Variants in ARHGAP35 observed in about 807,000 individuals in gnomAD.
ARHGAP35 encodes rho GTPase-activating protein 35.
A neutral mutation model predicts 111.1 loss-of-function variants in ARHGAP35; 15 were observed. The observed-to-expected ratio is 0.13, with a 90% CI of 0.09 to 0.21. The LOEUF is 0.21. Among genes scored for constraint, ARHGAP35 ranks in the 10% least tolerant of loss-of-function variants. The probability of loss-of-function intolerance (pLI) is 1.00; values close to 1 mark genes in which losing one functional copy is unlikely to be tolerated. For synonymous variants in ARHGAP35, 643 were observed against 710.3 expected (o/e 0.91, Z 1.51); for missense variants, 1,262 against 1,873.0 (o/e 0.67, Z 6.02).
rs977368052 is a variant in ARHGAP35, at chr19:46,994,166, A to C, written c.4036+4491A>C. 6.6e-6 allele frequency among the ~76,000 whole-genome samples: 1 copy of C among 152,108 alleles called. No homozygotes were observed. ...TACCATGGCGGGTCCGGGTTGCAGCAGCTCACCCAGGGCTGGGTGCCCTGA... is the reference window on the plus strand; with the variant it reads ...TACCATGGCGGGTCCGGGTTGCAGCCGCTCACCCAGGGCTGGGTGCCCTGA... On this transcript the variant is annotated intron_variant, in intron 5 of 6. Transcript: ENST00000672722. This position sits in a 1 kb window ranked among gnomAD's most constrained non-coding sequence, Gnocchi z 5.4.
At chr19:46,940,829 G>A (rs1599835630) in intron 3 of ARHGAP35, among the ~76,000 whole-genome samples, 2 of 152,004 alleles carry the variant, frequency 1.3e-5, no homozygotes, top group African/African-American at 4.8e-5. Context: ...GATACCACAG[G>A]GCAGCAATGC....
At chr19:46,946,449 C>G (rs1052386307) in intron 3 of ARHGAP35, 1 of 152,248 alleles carries the variant, frequency 6.6e-6, no homozygotes, top group Non-Finnish European at 1.5e-5. Flanking sequence ...TGCATAAAAT[C>G]CGGTGGCAGA....
At chr19:46,897,800 T>C (rs543764620) in intron 1 of ARHGAP35, among the ~76,000 whole-genome samples, 17 of 152,196 alleles carry the variant, frequency 1.1e-4, no homozygotes, top group African/African-American at 4.1e-4. Flanking sequence ...CATGTGTCAG[T>C]TGAACTTCTT....
In ARHGAP35 at chr19:46,989,888, G is replaced by C. The variant is rs2056670686; in HGVS notation, c.4036+213G>C. Among the ~76,000 whole-genome samples the C allele has an allele frequency of 6.6e-6, 1 of 152,192 alleles. No individual in the cohort carries two copies. Among genetic ancestry groups the C allele is most frequent in the African/African-American group, 2.4e-5 (1 of 41,450 alleles). ...TGCTTATCTGAGGGTTACACCAAGA[G>C]AGTTGCAGGTTTCCCCCAAACTCTC... On this transcript the variant is annotated intron_variant, in intron 5 of 6. Transcript: ENST00000672722. This position sits in a 1 kb window ranked among gnomAD's most constrained non-coding sequence, Gnocchi z 5.3.
At chr19:46,938,177 C>G (rs1291839807) in intron 3 of ARHGAP35, among the ~76,000 whole-genome samples, 3 of 152,118 alleles carry the variant, frequency 2.0e-5, no homozygotes, top group African/African-American at 7.2e-5. Flanking sequence ...GCCTTCCAAT[C>G]TGTTCTTTCT....
chr19:46,902,577 G>T (rs2056087576), intron 1 of ARHGAP35, among the ~76,000 whole-genome samples: 1 of 152,096 alleles, frequency 6.6e-6, no homozygotes, highest in Non-Finnish European at 1.5e-5. Flanking sequence ...CAGCTTTTGA[G>T]CCTAGCTGTA....
intron 2 of ARHGAP35, among the ~76,000 whole-genome samples, chr19:46,936,990 C>T (rs1010285571): frequency 6.6e-6 from 1 of 152,052 alleles, no homozygotes; most frequent in Non-Finnish European, 1.5e-5. Context: ...CAGGCGCCCA[C>T]CACTACGCCT....
At position 46,999,331 on chromosome 19, in the gene ARHGAP35, A is replaced by C; in HGVS notation, c.4064A>C (p.His1355Pro). The C allele has an allele frequency of 1.3e-6, 2 of 1,593,008 alleles. No homozygotes were observed. The highest frequency in any genetic ancestry group is 1.7e-6 in the Non-Finnish European group (2 of 1,169,754). ...ATCAACGACCGGGAGCAGAAGTTGCATGCCCTTAAGGAGGTATTAAAGAAA... is the reference window on the plus strand; with the variant it reads ...ATCAACGACCGGGAGCAGAAGTTGCCTGCCCTTAAGGAGGTATTAAAGAAA... The part of the protein sequence containing the change: ...HKINDREQKL[H>P]ALKEVLKKFP... The change falls in exon 6 of 7, where the codon CAT (histidine) becomes CCT (proline). Residue 1355 changes from histidine to proline, a missense_variant. Transcript: ENST00000672722. This position sits in a 1 kb window ranked among gnomAD's most constrained non-coding sequence, Gnocchi z 5.4.
rs2055993263 is a variant in ARHGAP35, at chr19:46,886,371, A to G, written c.-189+25162A>G. Among the ~76,000 whole-genome samples, 6 of 152,014 alleles carry G rather than the reference A, an allele frequency of 3.9e-5. No individual in the cohort carries two copies. In the South Asian group the frequency reaches 1.2e-3, roughly 32 times the overall value. ...AATGGCCAAAGTAGTGCAGATCTAG[A>G]CTATGCTCCGTAAGGGAGGTTTTTT... is the stretch of plus-strand genomic sequence containing the variant. On this transcript the variant is annotated intron_variant, in intron 1 of 6. Coordinates refer to ENST00000672722, the MANE Select transcript of ARHGAP35 (RefSeq NM_004491.5).
chr19:46,985,775 G>T (rs2056645826), intron 3 of ARHGAP35, among the ~76,000 whole-genome samples: 2 of 152,050 alleles, frequency 1.3e-5, no homozygotes, highest in African/African-American at 4.8e-5. Flanking sequence ...ATGTCCCTGG[G>T]GTTGGTCCAT....
chr19:46,998,185 CAT>C (rs35748960), intron 5 of ARHGAP35, among the ~76,000 whole-genome samples: 5 of 152,312 alleles, frequency 3.3e-5, no homozygotes, highest in African/African-American at 1.2e-4. Context: ...GAATGGCACA[CAT>C]ATGTCTCCGG....
At chr19:46,979,859 C>G (rs2122317281) in intron 3 of ARHGAP35, among the ~76,000 whole-genome samples, 1 of 152,194 alleles carries the variant, frequency 6.6e-6, no homozygotes, top group South Asian at 2.1e-4. Context: ...CCTGGGAAGA[C>G]AGCTAACGAA....
chr19:46,899,104 G>A (rs1158568404), intron 1 of ARHGAP35, among the ~76,000 whole-genome samples: 1 of 152,162 alleles, frequency 6.6e-6, no homozygotes, highest in Non-Finnish European at 1.5e-5. Context: ...ATGTAGAAGG[G>A]CGCGTTTGAC....
intron 1 of ARHGAP35, among the ~76,000 whole-genome samples, chr19:46,895,405 TCCA>T (rs2056048927): frequency 1.3e-5 from 2 of 152,154 alleles, no homozygotes; most frequent in Non-Finnish European, 2.9e-5. Context: ...GACCTCGTGA[TCCA>T]CCCGCCTCGG....
chr19:46,980,767 T>G (rs1459955413), intron 3 of ARHGAP35, among the ~76,000 whole-genome samples: 1 of 152,176 alleles, frequency 6.6e-6, no homozygotes, highest in Non-Finnish European at 1.5e-5. Flanking sequence ...AGGGGCAGGA[T>G]TCGAACCCAT....
chr19:46,965,699 G>C (rs2056511312), intron 3 of ARHGAP35, among the ~76,000 whole-genome samples: 1 of 152,082 alleles, frequency 6.6e-6, no homozygotes, highest in Non-Finnish European at 1.5e-5. Context: ...TGCCCAGGCT[G>C]ATCTCCAACT....
At chr19:46,968,695 A>G (rs961440620) in intron 3 of ARHGAP35, among the ~76,000 whole-genome samples, 4 of 152,224 alleles carry the variant, frequency 2.6e-5, no homozygotes, top group African/African-American at 9.7e-5. Context: ...CCTTGAAAAC[A>G]TTACGCTAAG....
At chr19:46,864,872 G>C (rs1001953078) in intron 1 of ARHGAP35, among the ~76,000 whole-genome samples, 6 of 152,140 alleles carry the variant, frequency 3.9e-5, no homozygotes. Flanking sequence ...TATTAATATG[G>C]AAGTGACAGA....
chr19:46,911,495 A>T (rs549862903), intron 1 of ARHGAP35, among the ~76,000 whole-genome samples: 2 of 152,362 alleles, frequency 1.3e-5, no homozygotes, highest in Admixed American at 1.3e-4. Context: ...ATGGTAATAC[A>T]AAAATGATTA....
Sources: allele counts gnomAD v4.1 joint callset (sites outside exome capture counted in the v4.1 genomes callset), GRCh38; gene constraint gnomAD v4.1.1; non-coding constraint Gnocchi (gnomAD v3.1); transcripts MANE v1.5; gene names NCBI Gene and HGNC (gene_info 2026-07-23, HGNC 2026-07-21).